SGCZ: variants seen among roughly 807,000 people sequenced by gnomAD.
SGCZ encodes sarcoglycan zeta.
A neutral mutation model predicts 41.3 loss-of-function variants in SGCZ; 40 were observed. The ratio of observed to expected loss-of-function variants is 0.97; its 90% CI spans 0.75 to 1.26. The LOEUF is 1.26. SGCZ is among the 50% of genes most tolerant of loss of function. SGCZ has a pLI of 0.00. For synonymous variants in SGCZ, 206 were observed against 137.5 expected (o/e 1.50, Z -3.49); for missense variants, 552 against 369.8 (o/e 1.49, Z -4.04).
At chr8:15,184,657 C>A (rs1342347847) in intron 1 of SGCZ, among the ~76,000 whole-genome samples, 1 of 152,148 alleles carries the variant, frequency 6.6e-6, no homozygotes, top group Non-Finnish European at 1.5e-5. Flanking sequence ...AGAGAGCAGG[C>A]GATTTCTTCA....
chr8:14,546,232 G>A (rs978101608), intron 2 of SGCZ, among the ~76,000 whole-genome samples: 11 of 152,118 alleles, frequency 7.2e-5, no homozygotes, highest in Admixed American at 2.6e-4. Context: ...CTGTAGTCAC[G>A]CCCTAGAAGG....
intron 2 of SGCZ, among the ~76,000 whole-genome samples, chr8:14,496,979 G>A (rs1585594769): frequency 6.6e-6 from 1 of 152,002 alleles, no homozygotes; most frequent in Non-Finnish European, 1.5e-5. Flanking sequence ...CTGCTGCATA[G>A]TTTTCAATAA....
chr8:14,477,395 A>G (rs1801392372), intron 2 of SGCZ, among the ~76,000 whole-genome samples: 1 of 152,100 alleles, frequency 6.6e-6, no homozygotes, highest in Non-Finnish European at 1.5e-5. Flanking sequence ...GAAATTTGCT[A>G]CCTATATTTT....
At chr8:14,753,729 T>A (rs772171105) in intron 1 of SGCZ, among the ~76,000 whole-genome samples, 1 of 152,162 alleles carries the variant, frequency 6.6e-6, no homozygotes, top group Non-Finnish European at 1.5e-5. Context: ...TGGCAAAGTA[T>A]AAAGGACTCA....
intron 2 of SGCZ, among the ~76,000 whole-genome samples, chr8:14,500,754 A>T (rs1394941259): frequency 2.0e-5 from 3 of 152,102 alleles, no homozygotes; most frequent in Non-Finnish European, 2.9e-5. Context: ...TTTTAGTAGT[A>T]TATGCCTTAC....
chr8:15,052,967 A>C (rs973071014), intron 1 of SGCZ, among the ~76,000 whole-genome samples: 1 of 152,040 alleles, frequency 6.6e-6, no homozygotes, highest in African/African-American at 2.4e-5. Flanking sequence ...CTTTGACCAC[A>C]CTCAAGGCAT....
chr8:14,422,955 C>T (rs2117311060), intron 2 of SGCZ, among the ~76,000 whole-genome samples: 1 of 152,180 alleles, frequency 6.6e-6, no homozygotes, highest in South Asian at 2.1e-4. Flanking sequence ...TTAAACTGAG[C>T]AGGACAAGGC....
chr8:14,849,643 G>T (rs1400000125), intron 1 of SGCZ, among the ~76,000 whole-genome samples: 1 of 152,084 alleles, frequency 6.6e-6, no homozygotes, highest in African/African-American at 2.4e-5. Context: ...GCTATACGTG[G>T]GGTGAGGCCA....
intron 1 of SGCZ, among the ~76,000 whole-genome samples, chr8:14,665,849 T>C (rs1350980944): frequency 6.6e-6 from 1 of 152,162 alleles, no homozygotes; most frequent in African/African-American, 2.4e-5. Flanking sequence ...ATACGAGAAA[T>C]TCAAAAATGA....
At chr8:15,089,894 T>C (rs545152254) in intron 1 of SGCZ, among the ~76,000 whole-genome samples, 1 of 152,202 alleles carries the variant, frequency 6.6e-6, no homozygotes, top group African/African-American at 2.4e-5. Flanking sequence ...CAGAGAAGAC[T>C]AATGAGAAAG....
intron 1 of SGCZ, among the ~76,000 whole-genome samples, chr8:15,203,161 C>G (rs1336419619): frequency 1.3e-5 from 2 of 152,106 alleles, no homozygotes; most frequent in East Asian, 1.9e-4. Flanking sequence ...CCCCAAGACC[C>G]TCTATCCTAT....
rs569578795 is a variant in SGCZ at position 14,997,658 on chromosome 8, A to G, written c.39+239927T>C. On this transcript the variant is annotated intron_variant, in intron 1 of 7. Transcript: ENST00000382080. ...TAAAGCATCATTATACTTAAGATTC[A>G]GACAATTAGAAATAGTCCTGGCAGG... Among the ~76,000 whole-genome samples, 5 of 152,300 alleles carry G rather than the reference A, an allele frequency of 3.3e-5. No individual in the cohort carries two copies. The South Asian group carries it at 1.0e-3, about 32-fold the overall frequency.
chr8:15,178,031 G>A (rs905194885), intron 1 of SGCZ, among the ~76,000 whole-genome samples: 2 of 152,044 alleles, frequency 1.3e-5, no homozygotes, highest in African/African-American at 4.8e-5. Flanking sequence ...CATGCTTGGG[G>A]CCTAGCCTTG....
chr8:14,223,511 A>T (rs1243572718), intron 4 of SGCZ, among the ~76,000 whole-genome samples: 1 of 151,392 alleles, frequency 6.6e-6, no homozygotes, highest in Admixed American at 6.6e-5. Context: ...TTTTATATTC[A>T]TCTAAAACAG....
At chr8:15,087,527 A>C (rs775471538) in intron 1 of SGCZ, among the ~76,000 whole-genome samples, 9 of 152,116 alleles carry the variant, frequency 5.9e-5, no homozygotes, top group Non-Finnish European at 1.0e-4. Flanking sequence ...AATAGACAAA[A>C]GCTCAACTGA....
intron 2 of SGCZ, among the ~76,000 whole-genome samples, chr8:14,430,692 C>G (rs1799919462): frequency 6.6e-6 from 1 of 152,100 alleles, no homozygotes; most frequent in African/African-American, 2.4e-5. Flanking sequence ...AAGTTCTAGT[C>G]AGAGCAACCA....
rs1325590909 is a variant in SGCZ, at chr8:14,086,512, AC to A, written c.*3930del. ...AGTTCAGCAATTAACCTCTGTGATC[AC>A]ATTATCATTTCTTCAAAAGATCACT... On this transcript the variant is annotated 3_prime_UTR_variant, in exon 8 of 8. Coordinates refer to ENST00000382080, the MANE Select transcript of SGCZ (RefSeq NM_139167.4). Among the ~76,000 whole-genome samples the A allele has an allele frequency of 6.6e-6, 1 of 151,790 alleles. No homozygotes were observed. Among genetic ancestry groups the A allele is most frequent in the Admixed American group, 6.6e-5 (1 of 15,186 alleles).
intron 2 of SGCZ, among the ~76,000 whole-genome samples, chr8:14,457,870 T>C (rs1049117367): frequency 8.5e-5 from 13 of 152,104 alleles, no homozygotes; most frequent in African/African-American, 3.1e-4. Flanking sequence ...TCGGGGCCAC[T>C]ACCGGTCTCC....
chr8:14,685,691 T>A (rs997109217), intron 1 of SGCZ, among the ~76,000 whole-genome samples: 1 of 152,130 alleles, frequency 6.6e-6, no homozygotes, highest in African/African-American at 2.4e-5. Flanking sequence ...AACACCAATA[T>A]TGGTATCTAT....
Sources: gnomAD v4.1 joint callset for allele counts (sites outside exome capture counted in the v4.1 genomes callset) on GRCh38, gnomAD v4.1.1 for gene constraint, MANE v1.5 for transcripts, NCBI Gene and HGNC (gene_info 2026-07-23, HGNC 2026-07-21) for gene names.